The following PDLIM5 variants were observed in gnomAD, a reference collection of about 807,000 sequenced individuals.
PDLIM5 encodes the protein PDZ and LIM domain protein 5.
PDLIM5 carries 34 observed loss-of-function variants against 64.2 expected under a neutral mutation model. The observed-to-expected ratio is 0.53, with a 90% confidence interval of 0.40 to 0.71. The LOEUF is 0.71. Among genes scored for constraint, PDLIM5 ranks in the 30% least tolerant of loss-of-function variants. The pLI is 0.00. For synonymous variants in PDLIM5, 253 were observed against 269.1 expected, an observed-to-expected ratio of 0.94 and a Z score of 0.59; for missense variants, 683 against 733.6, an observed-to-expected ratio of 0.93 and a Z score of 0.80.
intron 2 of PDLIM5, among the ~76,000 whole-genome samples, chr4:94,493,769 C>T (rs1037662181): frequency 6.6e-6 from 1 of 152,048 alleles, no homozygotes; most frequent in African/African-American, 2.4e-5. Context: ...AAAGATTATA[C>T]TCCAACAGTG....
At chr4:94,521,715 A>G (rs1043811695) in intron 2 of PDLIM5, among the ~76,000 whole-genome samples, 1 of 151,924 alleles carries the variant, frequency 6.6e-6, no homozygotes, top group African/African-American at 2.4e-5. Flanking sequence ...TTATATTACT[A>G]CTGAACTAGG....
intron 9 of PDLIM5, among the ~76,000 whole-genome samples, chr4:94,654,251 C>G (rs186859249): frequency 6.6e-6 from 1 of 152,224 alleles, no homozygotes; most frequent in Admixed American, 6.5e-5. Context: ...TTGAAGGAAT[C>G]CCTTAAGTGC....
At chr4:94,588,494 C>T (rs60063444) in intron 7 of PDLIM5, among the ~76,000 whole-genome samples, 51,676 of 151,620 alleles carry the variant, frequency 0.34, 10,655 homozygotes, top group South Asian at 0.63. Context: ...ACCCGGGAGG[C>T]GAAGGTTGCG....
chr4:94,610,060 T>G, intron 7 of PDLIM5: 1 of 647,184 alleles, frequency 1.5e-6, no homozygotes, highest in Non-Finnish European at 2.6e-6. Flanking sequence ...TTTATAATGC[T>G]TAGATATTAA....
chr4:94,475,219 AG>A (rs1375472359), intron 2 of PDLIM5, among the ~76,000 whole-genome samples: 3 of 151,860 alleles, frequency 2.0e-5, no homozygotes, highest in Non-Finnish European at 2.9e-5. Flanking sequence ...TGTATAAAGG[AG>A]GGACTTATTC....
intron 7 of PDLIM5, among the ~76,000 whole-genome samples, chr4:94,590,306 T>C (rs1373676413): frequency 6.6e-6 from 1 of 152,178 alleles, no homozygotes; most frequent in African/African-American, 2.4e-5. Context: ...TCAAAATTAT[T>C]CAAAAATATA....
At chr4:94,464,550 G>A (rs116442429) in intron 2 of PDLIM5, among the ~76,000 whole-genome samples, 217 of 152,282 alleles carry the variant, frequency 1.4e-3, no homozygotes, top group African/African-American at 5.1e-3. Flanking sequence ...CGTTACCGGA[G>A]GACAGATGTC....
At chr4:94,586,982 T>TTTTC in intron 7 of PDLIM5, 1 of 1,541,300 alleles carries the variant, frequency 6.5e-7, no homozygotes, top group Non-Finnish European at 8.8e-7. Flanking sequence ...TTTTTGTATT[T>TTTTC]CCACAGGGAA....
chr4:94,579,645 A>G (rs1735580280), intron 5 of PDLIM5: 2 of 482,540 alleles, frequency 4.1e-6, no homozygotes, highest in Non-Finnish European at 7.5e-6. Flanking sequence ...AAGAGCTGTA[A>G]TTTAGAATAA....
intron 7 of PDLIM5, among the ~76,000 whole-genome samples, chr4:94,610,493 A>G (rs7690869): frequency 0.85 from 128,767 of 152,146 alleles, 56,685 homozygotes; most frequent in East Asian, 0.96. Flanking sequence ...TTTTCTTAAA[A>G]AATCACCTTT....
chr4:94,606,272 T>C (rs1235832496), intron 7 of PDLIM5, among the ~76,000 whole-genome samples: 4 of 152,182 alleles, frequency 2.6e-5, no homozygotes, highest in Non-Finnish European at 5.9e-5. Context: ...ACACAAATTG[T>C]ATAATAATAA....
intron 2 of PDLIM5, among the ~76,000 whole-genome samples, chr4:94,510,707 A>G (rs935937114): frequency 3.9e-5 from 6 of 152,010 alleles, no homozygotes; most frequent in Non-Finnish European, 5.9e-5. Context: ...TTATTTTAAT[A>G]TTTTAAAACA....
intron 2 of PDLIM5, among the ~76,000 whole-genome samples, chr4:94,499,539 A>T (rs1278877059): frequency 6.6e-6 from 1 of 152,242 alleles, no homozygotes; most frequent in African/African-American, 2.4e-5. Context: ...CAGTTTACAT[A>T]GCATTTACAT....
Position 94,454,742 on chromosome 4 carries a change from G to A in PDLIM5, c.-42-505G>A, listed in dbSNP as rs1293617950. Among the ~76,000 whole-genome samples the A allele has an allele frequency of 2.6e-5, 4 of 152,216 alleles. 1 individual carries two copies. The highest frequency in any genetic ancestry group is 9.6e-5 in the African/African-American group (4 of 41,454). ...TTGAAAAACAGCTTCTCATTGTAAA[G>A]AATTTAGTATTTGGAAAGCATGAAT... is the stretch of plus-strand genomic sequence containing the variant. On this transcript the variant is annotated intron_variant, in intron 1 of 12. Transcript: ENST00000317968.
At chr4:94,663,080 A>C (rs2110511015) in intron 12 of PDLIM5, among the ~76,000 whole-genome samples, 1 of 152,262 alleles carries the variant, frequency 6.6e-6, no homozygotes, top group African/African-American at 2.4e-5. Flanking sequence ...ATGTTTAATG[A>C]TTAGGATGGA....
At chr4:94,579,051 T>C (rs1321758100) in intron 5 of PDLIM5, among the ~76,000 whole-genome samples, 7 of 152,090 alleles carry the variant, frequency 4.6e-5, no homozygotes, top group Admixed American at 4.6e-4. Context: ...TAATTAGCTG[T>C]TCATCCTAAT....
chr4:94,599,983 G>T (rs1468655165), intron 7 of PDLIM5, among the ~76,000 whole-genome samples: 4 of 152,148 alleles, frequency 2.6e-5, no homozygotes, highest in African/African-American at 4.8e-5. Context: ...ATGGTGAAGT[G>T]ATTAGATTAG....
rs944672252 is a variant in PDLIM5 at position 94,665,298 on chromosome 4, A to G, written c.*1231A>G. ...AGAGATCAAGATCATCCTGGCCAAC[A>G]TGGTGAAACCCTGTCTCTACTAAAA... On this transcript the variant is annotated 3_prime_UTR_variant, in exon 13 of 13. Coordinates refer to ENST00000317968, the MANE Select transcript of PDLIM5 (RefSeq NM_006457.5). The G allele has an allele frequency of 1.5e-5, 4 of 259,730 alleles. No homozygotes were observed. The highest frequency in any genetic ancestry group is 6.9e-5 in the African/African-American group (3 of 43,344). 16.1% of individuals were successfully genotyped at this position (259,730 alleles called of 1,614,324 possible).
rs915514332 is a variant in PDLIM5, at chr4:94,664,933, C to T, written c.*866C>T. On this transcript the variant is annotated 3_prime_UTR_variant, in exon 13 of 13. Transcript: ENST00000317968. ...AGTGGATCATTCTAGTAGGAAAGGA[C>T]AATAAGATTTTTTATCAAAATGTGT... The T allele has an allele frequency of 1.0e-6, 1 of 981,414 alleles. No homozygotes were observed. 60.8% of individuals were successfully genotyped at this position (981,414 alleles called of 1,614,324 possible).
Sources: gnomAD v4.1 joint callset for allele counts (sites outside exome capture counted in the v4.1 genomes callset) on GRCh38, gnomAD v4.1.1 for gene constraint, MANE v1.5 for transcripts, NCBI Gene and HGNC (gene_info 2026-07-23, HGNC 2026-07-21) for gene names.